The following AMBRA1 variants were observed in gnomAD, a reference collection of about 807,000 sequenced individuals.
The protein encoded by AMBRA1 is activating molecule in BECN1-regulated autophagy protein 1.
A neutral mutation model predicts 125.4 loss-of-function variants in AMBRA1; 47 were observed. The ratio of observed to expected loss-of-function variants is 0.37; its 90% CI spans 0.30 to 0.48. The LOEUF (loss-of-function observed/expected upper bound fraction) is 0.48. Ranked by LOEUF, AMBRA1 falls within the 20% of genes least tolerant of loss-of-function variation. The pLI is 0.99. For missense variants in AMBRA1, 1,331 were observed against 1,693.4 expected, an observed-to-expected ratio of 0.79 and a Z score of 3.76; for synonymous variants, 626 against 655.5, an observed-to-expected ratio of 0.95 and a Z score of 0.69.
chr11:46,405,619 A>G (rs1945972352), intron 17 of AMBRA1, among the ~76,000 whole-genome samples: 1 of 152,032 alleles, frequency 6.6e-6, no homozygotes, highest in South Asian at 2.1e-4. Context: ...CCAGCTAGTC[A>G]GTAGGCTGAG....
intron 11 of AMBRA1, among the ~76,000 whole-genome samples, chr11:46,459,895 C>T (rs1033470693): frequency 2.0e-5 from 3 of 152,110 alleles, no homozygotes; most frequent in Non-Finnish European, 4.4e-5. Context: ...CAGAAAAACT[C>T]CTTGGTCTTG....
chr11:46,583,055 C>G (rs549047823), intron 1 of AMBRA1, among the ~76,000 whole-genome samples: 12 of 152,158 alleles, frequency 7.9e-5, no homozygotes, highest in Non-Finnish European at 1.6e-4. Context: ...CAATCCTAAG[C>G]CAAAAGAACA....
At chr11:46,465,131 A>G (rs1949272491) in intron 11 of AMBRA1, among the ~76,000 whole-genome samples, 1 of 152,208 alleles carries the variant, frequency 6.6e-6, no homozygotes, top group African/African-American at 2.4e-5. Flanking sequence ...ATGGACAACT[A>G]GTGCCCACAC....
intron 1 of AMBRA1, among the ~76,000 whole-genome samples, chr11:46,564,159 A>C (rs2043437026): frequency 1.3e-5 from 2 of 151,516 alleles, no homozygotes; most frequent in Non-Finnish European, 2.9e-5. Flanking sequence ...AAAAAAAAAA[A>C]AAAAACGTAA....
At chr11:46,581,977 A>G (rs1390685502) in intron 1 of AMBRA1, among the ~76,000 whole-genome samples, 1 of 150,400 alleles carries the variant, frequency 6.6e-6, no homozygotes, top group Admixed American at 6.6e-5. Flanking sequence ...TTACCTAGGC[A>G]TGGTGGTGGG....
At position 46,443,735 on chromosome 11, in the gene AMBRA1, C is replaced by T; in HGVS notation, c.2522-137G>A. The T allele has an allele frequency of 8.7e-6, 6 of 692,754 alleles. No individual in the cohort carries two copies. The South Asian group carries it at 9.5e-5, about 11-fold the overall frequency. 42.9% of individuals were successfully genotyped at this position (692,754 alleles called of 1,614,324 possible). On this transcript the variant is annotated intron_variant, in intron 11 of 17. Coordinates refer to ENST00000683756, the MANE Select transcript of AMBRA1 (RefSeq NM_001387011.1). ...CTATGGCTGAAGAAAGCTAATGAGT[C>T]CCATCTGGCAAGTCTTTGTCTCAAA...
At chr11:46,432,448 G>A (rs1947499569) in intron 14 of AMBRA1, among the ~76,000 whole-genome samples, 1 of 152,160 alleles carries the variant, frequency 6.6e-6, no homozygotes. Flanking sequence ...GAGACAGGAG[G>A]GAGAAGAGGC....
chr11:46,588,162 G>C (rs890121029), intron 1 of AMBRA1, among the ~76,000 whole-genome samples: 47 of 152,066 alleles, frequency 3.1e-4, no homozygotes, highest in African/African-American at 1.1e-3. Context: ...GTGAAACCTG[G>C]TCTCTACTAA....
At chr11:46,502,085 TTTTTG>T (rs1453087184) in intron 9 of AMBRA1, among the ~76,000 whole-genome samples, 3 of 152,176 alleles carry the variant, frequency 2.0e-5, no homozygotes, top group Non-Finnish European at 2.9e-5. Flanking sequence ...TCTTTCTTTT[TTTTTG>T]TTTTAATTTT....
At chr11:46,561,153 G>C (rs1335413610) in intron 1 of AMBRA1, among the ~76,000 whole-genome samples, 1 of 152,132 alleles carries the variant, frequency 6.6e-6, no homozygotes, top group African/African-American at 2.4e-5. Context: ...GGCCAAGGCA[G>C]GTGGATCACC....
intron 1 of AMBRA1, among the ~76,000 whole-genome samples, chr11:46,570,379 A>T (rs2043714204): frequency 6.6e-6 from 1 of 152,058 alleles, no homozygotes; most frequent in African/African-American, 2.4e-5. Context: ...AGAAGTACGA[A>T]ATTATATCTT....
At chr11:46,516,422 T>TA in intron 7 of AMBRA1, among the ~76,000 whole-genome samples, 1 of 144,164 alleles carries the variant, frequency 6.9e-6, no homozygotes, top group African/African-American at 2.7e-5. Flanking sequence ...GAAAGATCTT[T>TA]CTTTTTTTTT....
rs1055807299 is a variant in AMBRA1, at chr11:46,483,345, C to G, written c.2521+10263G>C. On this transcript the variant is annotated intron_variant, in intron 11 of 17. Transcript: ENST00000683756. ...TATTTGCAGGAGTTTCTTTCCCCAT[C>G]ATGGCTCATACAAAGATATCCATGC... is the stretch of plus-strand genomic sequence containing the variant. 3.3e-5 allele frequency among the ~76,000 whole-genome samples: 5 copies of G among 152,230 alleles called. 1 individual carries two copies. The highest frequency in any genetic ancestry group is 4.4e-5 in the Non-Finnish European group (3 of 68,046).
intron 2 of AMBRA1, 54 bp downstream of exon 2, chr11:46,548,192 T>G: frequency 6.2e-7 from 1 of 1,610,322 alleles, no homozygotes. Context: ...TTCTAAGGTC[T>G]CATTCTACCA....
At chr11:46,428,669 C>T in intron 14 of AMBRA1, 2 of 1,599,174 alleles carry the variant, frequency 1.3e-6, no homozygotes, top group Non-Finnish European at 1.7e-6. Context: ...AGGTGGCTGA[C>T]CACGTCCACG....
intron 17 of AMBRA1, among the ~76,000 whole-genome samples, chr11:46,404,386 G>C (rs769336200): frequency 5.3e-5 from 8 of 152,142 alleles, no homozygotes; most frequent in Non-Finnish European, 7.4e-5. Context: ...CTCAAAGAGA[G>C]CCCTGATCCC....
chr11:46,484,041 A>G (rs1005294730), intron 11 of AMBRA1, among the ~76,000 whole-genome samples: 1 of 152,218 alleles, frequency 6.6e-6, no homozygotes, highest in Non-Finnish European at 1.5e-5. Context: ...CTCACCCTGT[A>G]AAGACAGTCT....
At chr11:46,437,277 GTAT>G (rs1415552631) in intron 12 of AMBRA1, among the ~76,000 whole-genome samples, 1 of 152,190 alleles carries the variant, frequency 6.6e-6, no homozygotes, top group Admixed American at 6.5e-5. Context: ...GCTTGCATTT[GTAT>G]TATATGATGA....
At chr11:46,414,761 G>A (rs758467294) in intron 15 of AMBRA1, among the ~76,000 whole-genome samples, 6 of 152,316 alleles carry the variant, frequency 3.9e-5, no homozygotes, top group Admixed American at 1.3e-4. Flanking sequence ...GGATGACTGC[G>A]CTATCAGCCC....
Sources: gnomAD v4.1 joint callset for allele counts (sites outside exome capture counted in the v4.1 genomes callset) on GRCh38, gnomAD v4.1.1 for gene constraint, MANE v1.5 for transcripts, NCBI Gene and HGNC (gene_info 2026-07-23, HGNC 2026-07-21) for gene names.